The following ZFPM2 variants were observed in gnomAD, a reference collection of about 807,000 sequenced individuals.
ZFPM2 encodes the protein zinc finger protein, FOG family member 2.
In ZFPM2, 20 loss-of-function variants were observed where a neutral mutation model predicts 98.6. The ratio of observed to expected loss-of-function variants is 0.20; its 90% CI spans 0.14 to 0.29. ZFPM2 has a LOEUF of 0.29. ZFPM2 is among the 10% of genes least tolerant of loss of function. ZFPM2 has a pLI of 1.00. For synonymous variants in ZFPM2, 518 were observed against 502.7 expected, an observed-to-expected ratio of 1.03 and a Z score of -0.41; for missense variants, 1,310 against 1,388.6, an observed-to-expected ratio of 0.94 and a Z score of 0.90.
At chr8:105,559,879 A>G (rs1008214002) in intron 3 of ZFPM2, among the ~76,000 whole-genome samples, 2 of 152,142 alleles carry the variant, frequency 1.3e-5, no homozygotes, top group African/African-American at 4.8e-5. Flanking sequence ...CAACAATTTC[A>G]TATGTTACCT....
intron 1 of ZFPM2, among the ~76,000 whole-genome samples, chr8:105,330,569 C>CATAT (rs56134125): frequency 1.9e-5 from 1 of 52,670 alleles, no homozygotes; most frequent in African/African-American, 5.7e-5. Flanking sequence ...TATATATATA[C>CATAT]ATATATATAT....
At chr8:105,488,042 A>C (rs1450427924) in intron 3 of ZFPM2, among the ~76,000 whole-genome samples, 1 of 151,682 alleles carries the variant, frequency 6.6e-6, no homozygotes, top group Non-Finnish European at 1.5e-5. Flanking sequence ...CTGCCCCAAC[A>C]TATATACAAC....
intron 3 of ZFPM2, among the ~76,000 whole-genome samples, chr8:105,504,936 AAG>A (rs1813666975): frequency 7.8e-6 from 1 of 128,238 alleles, no homozygotes; most frequent in African/African-American, 3.8e-5. Context: ...CAATTTCAAA[AAG>A]AAAAAAGTAT....
Position 105,801,069 on chromosome 8 carries a change from G to T in ZFPM2, c.987G>T (p.Leu329=). The T allele has an allele frequency of 1.2e-6, 2 of 1,612,682 alleles. No individual in the cohort carries two copies. Residue 329 remains leucine, a synonymous_variant, in exon 8 of 8, where the codon CTG becomes CTT. Coordinates refer to ENST00000407775, the MANE Select transcript of ZFPM2 (RefSeq NM_012082.4). ...SHSGVKMEEF[L]PPGASLKCTV... The stretch of plus-strand genomic sequence containing the variant: ...TAGGAGTGAAAATGGAAGAATTCCT[G>T]CCCCCTGGTGCTAGTCTAAAATGCA...
chr8:105,749,005 A>G (rs1474364434), intron 5 of ZFPM2, among the ~76,000 whole-genome samples: 1 of 152,068 alleles, frequency 6.6e-6, no homozygotes, highest in Non-Finnish European at 1.5e-5. Flanking sequence ...CACTGGCTCT[A>G]TCCATACTGT....
At chr8:105,352,812 A>G (rs1376182456) in intron 1 of ZFPM2, among the ~76,000 whole-genome samples, 1 of 152,118 alleles carries the variant, frequency 6.6e-6, no homozygotes, top group African/African-American at 2.4e-5. Flanking sequence ...TTTAACATTT[A>G]AACCTTATCT....
intron 3 of ZFPM2, among the ~76,000 whole-genome samples, chr8:105,460,997 G>C (rs1812694864): frequency 6.6e-6 from 1 of 151,826 alleles, no homozygotes; most frequent in Admixed American, 6.6e-5. Context: ...AGAACAAGTA[G>C]ACATTTTTTA....
chr8:105,614,518 A>G (rs1265892811), intron 4 of ZFPM2, among the ~76,000 whole-genome samples: 2 of 152,142 alleles, frequency 1.3e-5, no homozygotes, highest in African/African-American at 4.8e-5. Context: ...ATCATTATGC[A>G]TACTCTAATG....
chr8:105,586,889 G>A (rs1468860683), intron 4 of ZFPM2, among the ~76,000 whole-genome samples: 1 of 149,860 alleles, frequency 6.7e-6, no homozygotes, highest in East Asian at 1.9e-4. Context: ...CATAAAATTT[G>A]GGAAAATATT....
At chr8:105,463,599 A>T (rs528099641) in intron 3 of ZFPM2, among the ~76,000 whole-genome samples, 24 of 152,144 alleles carry the variant, frequency 1.6e-4, no homozygotes, top group Admixed American at 5.2e-4. Flanking sequence ...ACAAACTAGC[A>T]AATAAATAAA....
At chr8:105,487,929 T>TCTATCTATCTATCTAG (rs1293634129) in intron 3 of ZFPM2, among the ~76,000 whole-genome samples, 1 of 82,692 alleles carries the variant, frequency 1.2e-5, no homozygotes, top group Non-Finnish European at 2.9e-5. Context: ...TATCTATCTA[T>TCTATCTATCTATCTAG]CTAGCTAGCT....
intron 3 of ZFPM2, among the ~76,000 whole-genome samples, chr8:105,548,006 C>G (rs1814751967): frequency 6.6e-6 from 1 of 151,604 alleles, no homozygotes; most frequent in Non-Finnish European, 1.5e-5. Flanking sequence ...TAAAGAAAAG[C>G]AGTTGACTTC....
chr8:105,626,849 A>C (rs1816665130), intron 4 of ZFPM2, among the ~76,000 whole-genome samples: 1 of 152,162 alleles, frequency 6.6e-6, no homozygotes. Context: ...ATCTCACGGC[A>C]TTGGCATGAG....
rs1193967227 is a variant in ZFPM2, at chr8:105,802,356, G to A, written c.2274G>A (p.Gln758=). Reference sequence around the variant, plus strand: ...AACAAAGGCCTCCACTGGTTCAGCAGAGATTTCTTGACGTAGCCAACCTCA... The same window carrying A: ...AACAAAGGCCTCCACTGGTTCAGCAAAGATTTCTTGACGTAGCCAACCTCA... ...EQEQRPPLVQ[Q]RFLDVANLNN... Residue 758 remains glutamine (Q), a synonymous_variant, in exon 8 of 8, where the codon CAG becomes CAA. Coordinates refer to ENST00000407775, the MANE Select transcript of ZFPM2 (RefSeq NM_012082.4). 1.2e-6 allele frequency: 2 copies of A among 1,613,696 alleles called. No individual in the cohort carries two copies. Among genetic ancestry groups the A allele is most frequent in the African/African-American group, 1.3e-5 (1 of 74,938 alleles).
At chr8:105,694,120 A>G (rs1810959190) in intron 5 of ZFPM2, among the ~76,000 whole-genome samples, 2 of 150,370 alleles carry the variant, frequency 1.3e-5, no homozygotes, top group Non-Finnish European at 1.5e-5. Flanking sequence ...CCGAATAGGT[A>G]GGACTACAGG....
At chr8:105,760,835 TG>T (rs1812718667) in intron 5 of ZFPM2, among the ~76,000 whole-genome samples, 1 of 152,048 alleles carries the variant, frequency 6.6e-6, no homozygotes, top group South Asian at 2.1e-4. Context: ...ACTACCTTGA[TG>T]AATGATTGAA....
intron 5 of ZFPM2, among the ~76,000 whole-genome samples, chr8:105,752,182 A>T (rs1812493562): frequency 1.3e-5 from 2 of 152,114 alleles, no homozygotes; most frequent in East Asian, 3.9e-4. Flanking sequence ...TTTGAACTTT[A>T]ATATTCTTTT....
chr8:105,374,167 G>A (rs1373403912), intron 1 of ZFPM2, among the ~76,000 whole-genome samples: 1 of 152,102 alleles, frequency 6.6e-6, no homozygotes, highest in East Asian at 1.9e-4. Flanking sequence ...GAGCCTAGAG[G>A]AAATTAAACA....
In ZFPM2 at chr8:105,802,525, G is replaced by T. The variant is rs201197925; in HGVS notation, c.2443G>T (p.Asp815Tyr). The T allele has an allele frequency of 1.2e-6, 2 of 1,611,908 alleles. No individual in the cohort carries two copies. The highest frequency in any genetic ancestry group is 1.7e-6 in the Non-Finnish European group (2 of 1,178,904). The stretch of plus-strand genomic sequence containing the variant: ...CAAGTGTGTTCCAGTTTCCAAATGT[G>T]ATACTACTCATTCCAGTGTTTCCTG... ...INKCVPVSKC[D>Y]TTHSSVSCLE... The change falls in exon 8 of 8, where the codon GAT (aspartate) becomes TAT (tyrosine). Residue 815 changes from aspartate to tyrosine, a missense_variant. Transcript: ENST00000407775.
Sources: allele counts gnomAD v4.1 joint callset (sites outside exome capture counted in the v4.1 genomes callset), GRCh38; gene constraint gnomAD v4.1.1; transcripts MANE v1.5; gene names NCBI Gene and HGNC (gene_info 2026-07-23, HGNC 2026-07-21).